The following FAM168B variants were observed in gnomAD, a reference collection of about 807,000 sequenced individuals.
The protein encoded by FAM168B is myelin-associated neurite-outgrowth inhibitor.
In FAM168B, 19 loss-of-function variants were observed where a neutral mutation model predicts 21.8. The ratio of observed to expected loss-of-function variants is 0.87; its 90% CI spans 0.61 to 1.28. FAM168B has a LOEUF of 1.28. Among genes scored for constraint, FAM168B ranks in the 50% most tolerant of loss-of-function variants. FAM168B has a pLI of 0.00. For missense variants in FAM168B, 233 were observed against 263.1 expected (o/e 0.89, Z 0.79); for synonymous variants, 126 against 104.8 (o/e 1.20, Z -1.24).
At chr2:131,076,322 A>G (rs563484030) in intron 2 of FAM168B, among the ~76,000 whole-genome samples, 1 of 150,602 alleles carries the variant, frequency 6.6e-6, no homozygotes, top group Admixed American at 6.6e-5. Context: ...CAGACTCCCT[A>G]CATCAAGGCA....
At chr2:131,083,669 GAAT>G (rs1000145832) in intron 1 of FAM168B, among the ~76,000 whole-genome samples, 3 of 152,170 alleles carry the variant, frequency 2.0e-5, no homozygotes, top group African/African-American at 2.4e-5. Context: ...TTTAAAAACA[GAAT>G]AATACAATGT....
chr2:131,048,843 C>T lies in FAM168B; in HGVS notation c.*3622G>A, dbSNP rs1691463309. Reference sequence around the variant, plus strand: ...GCTGCCACCCACCTCAAGCCACACCCCTGCCACCTGCTGCTGCGCCCAATG... The same window carrying T: ...GCTGCCACCCACCTCAAGCCACACCTCTGCCACCTGCTGCTGCGCCCAATG... On this transcript the variant is annotated 3_prime_UTR_variant, in exon 7 of 7. Transcript: ENST00000389915. 2.0e-6 allele frequency: 2 copies of T among 986,184 alleles called. No individual in the cohort carries two copies. Among genetic ancestry groups the T allele is most frequent in the Non-Finnish European group, 2.4e-6 (2 of 830,258 alleles). 61.1% of individuals were successfully genotyped at this position (986,184 alleles called of 1,614,324 possible).
At chr2:131,087,172 T>C (rs1398465098) in intron 1 of FAM168B, among the ~76,000 whole-genome samples, 1 of 150,990 alleles carries the variant, frequency 6.6e-6, no homozygotes, top group East Asian at 2.0e-4. Context: ...AAAACTTGAT[T>C]AAAGGGCAGC....
intron 3 of FAM168B, among the ~76,000 whole-genome samples, chr2:131,057,373 C>T (rs762232831): frequency 2.0e-5 from 3 of 152,196 alleles, no homozygotes; most frequent in African/African-American, 4.8e-5. Context: ...AATCTCACAA[C>T]ATGCTGAGCT....
intron 3 of FAM168B, among the ~76,000 whole-genome samples, chr2:131,066,962 A>G (rs1313873623): frequency 6.6e-6 from 1 of 152,196 alleles, no homozygotes; most frequent in Non-Finnish European, 1.5e-5. Context: ...CCTCACAATC[A>G]TGGTGGAAGG....
chr2:131,086,907 T>G (rs1693732117), intron 1 of FAM168B, among the ~76,000 whole-genome samples: 1 of 124,440 alleles, frequency 8.0e-6, no homozygotes, highest in African/African-American at 4.2e-5. Context: ...CTACTAAAAA[T>G]ACAAAAAATT....
chr2:131,052,309 C>T lies in FAM168B; in HGVS notation c.*156G>A, dbSNP rs1691727429. 2.0e-6 allele frequency: 2 copies of T among 985,848 alleles called. No homozygotes were observed. Among genetic ancestry groups the T allele is most frequent in the South Asian group, 4.7e-5 (1 of 21,292 alleles). 61.1% of individuals were successfully genotyped at this position (985,848 alleles called of 1,614,324 possible). The stretch of plus-strand genomic sequence containing the variant: ...CACAGAGTCAGCTGGAGACTAACGG[C>T]GCTGGGGCCTGCTGGGCCGGGATAT... On this transcript the variant is annotated 3_prime_UTR_variant, in exon 7 of 7. Transcript: ENST00000389915.
In FAM168B at chr2:131,052,206, A is replaced by G. The variant is rs1013727133; in HGVS notation, c.*259T>C. On this transcript the variant is annotated 3_prime_UTR_variant, in exon 7 of 7. Coordinates refer to ENST00000389915, the MANE Select transcript of FAM168B (RefSeq NM_001009993.4). ...ACTAGATATGATTCAGAATAGATTAATACTCCCTTTTTATCATTACAGTTA... is the reference window on the plus strand; with the variant it reads ...ACTAGATATGATTCAGAATAGATTAGTACTCCCTTTTTATCATTACAGTTA... The G allele has an allele frequency of 2.0e-5, 20 of 985,700 alleles. No individual in the cohort carries two copies. The highest frequency in any genetic ancestry group is 5.2e-4 in the Middle Eastern group (1 of 1,936). 61.1% of individuals were successfully genotyped at this position (985,700 alleles called of 1,614,324 possible).
In FAM168B at chr2:131,048,369, A is replaced by T. The variant is rs1278884946; in HGVS notation, c.*4096T>A. The T allele has an allele frequency of 7.7e-7, 1 of 1,291,618 alleles. No homozygotes were observed. The highest frequency in any genetic ancestry group is 1.0e-6 in the Non-Finnish European group (1 of 979,652). 80.0% of individuals were successfully genotyped at this position (1,291,618 alleles called of 1,614,324 possible). On this transcript the variant is annotated 3_prime_UTR_variant, in exon 7 of 7. Transcript: ENST00000389915. Reference sequence around the variant, plus strand: ...CTGTGGTGAGGAGGAGACACCTGTCATGCCAGTCCTGGGAGCACACCACCC... The same window carrying T: ...CTGTGGTGAGGAGGAGACACCTGTCTTGCCAGTCCTGGGAGCACACCACCC...
At chr2:131,092,035 T>C (rs1479258635) in intron 1 of FAM168B, among the ~76,000 whole-genome samples, 1 of 150,480 alleles carries the variant, frequency 6.6e-6, no homozygotes, top group Non-Finnish European at 1.5e-5. Context: ...TCCCAGCTAC[T>C]TGGGAGGCTG....
intron 2 of FAM168B, among the ~76,000 whole-genome samples, chr2:131,077,212 T>TAAA (rs34175924): frequency 7.7e-6 from 1 of 130,280 alleles, no homozygotes; most frequent in African/African-American, 2.8e-5. Context: ...CTATTACATT[T>TAAA]AAAAAAAAAA....
At chr2:131,075,735 A>G (rs1229827124) in intron 2 of FAM168B, among the ~76,000 whole-genome samples, 1 of 151,504 alleles carries the variant, frequency 6.6e-6, no homozygotes, top group African/African-American at 2.4e-5. Context: ...TGATCCGCCC[A>G]CCCCGGCCTC....
At chr2:131,088,524 C>G (rs1693835898) in intron 1 of FAM168B, among the ~76,000 whole-genome samples, 1 of 152,134 alleles carries the variant, frequency 6.6e-6, no homozygotes, top group Admixed American at 6.6e-5. Flanking sequence ...ACTGAAACAA[C>G]TGTAAACAGA....
chr2:131,088,816 G>A (rs528958311), intron 1 of FAM168B, among the ~76,000 whole-genome samples: 70 of 152,192 alleles, frequency 4.6e-4, no homozygotes, highest in South Asian at 1.2e-3. Context: ...TTTCAATTCT[G>A]CATAATGCAA....
chr2:131,053,001 C>T lies in FAM168B; in HGVS notation c.490G>A (p.Ala164Thr). ...MAMSAGTLLT[A>T]HSPTPVAPHP... ...GGGGCGACAGGAGTTGGGGAGTGAGCAGTCAGCAGGGTACCTGGAAGAAAG... is the reference window on the plus strand; with the variant it reads ...GGGGCGACAGGAGTTGGGGAGTGAGTAGTCAGCAGGGTACCTGGAAGAAAG... The change falls in exon 6 of 7, where the codon GCT (alanine) becomes ACT (threonine). Residue 164 changes from alanine to threonine, a missense_variant. By Grantham distance (58) the Ala-to-Thr change is moderately conservative (BLOSUM62 0). Coordinates refer to ENST00000389915, the MANE Select transcript of FAM168B (RefSeq NM_001009993.4). 1.3e-6 allele frequency: 2 copies of T among 1,552,174 alleles called. No individual in the cohort carries two copies. Among genetic ancestry groups the T allele is most frequent in the South Asian group, 2.4e-5 (2 of 84,122 alleles).
Position 131,078,901 on chromosome 2 carries a change from C to G in FAM168B, c.70+3676G>C, listed in dbSNP as rs1369174564. On this transcript the variant is annotated intron_variant, in intron 2 of 6. Coordinates refer to ENST00000389915, the MANE Select transcript of FAM168B (RefSeq NM_001009993.4). ...CTTGGGAGGCTGAGGCAGGAGGATCCCTTGAGTCCAAGGAGTTTGAGGCTG... is the reference window on the plus strand; with the variant it reads ...CTTGGGAGGCTGAGGCAGGAGGATCGCTTGAGTCCAAGGAGTTTGAGGCTG... 2.0e-5 allele frequency among the ~76,000 whole-genome samples: 3 copies of G among 150,304 alleles called. No individual in the cohort carries two copies. In the South Asian group the frequency reaches 6.4e-4, roughly 32 times the overall value.
chr2:131,058,233 C>T (rs1326684116), intron 3 of FAM168B, among the ~76,000 whole-genome samples: 1 of 152,166 alleles, frequency 6.6e-6, no homozygotes, highest in Non-Finnish European at 1.5e-5. Context: ...GGTGCCAGTG[C>T]AATTCTGTGA....
intron 3 of FAM168B, among the ~76,000 whole-genome samples, chr2:131,065,369 G>C (rs895364410): frequency 6.6e-6 from 1 of 152,114 alleles, no homozygotes; most frequent in Non-Finnish European, 1.5e-5. Context: ...AAAGAAACAG[G>C]CTCCACAAGA....
In FAM168B at chr2:131,051,614, C is replaced by T; in HGVS notation, c.*851G>A. ...TAATTTAGTTTTACATAGGACTTTT[C>T]CAATAAAGACATATAAAAACATCAT... On this transcript the variant is annotated 3_prime_UTR_variant, in exon 7 of 7. Transcript: ENST00000389915. 1 of 985,280 alleles carries T rather than the reference C, an allele frequency of 1.0e-6. No individual in the cohort carries two copies. The highest frequency in any genetic ancestry group is 1.2e-6 in the Non-Finnish European group (1 of 829,902). 61.0% of individuals were successfully genotyped at this position (985,280 alleles called of 1,614,324 possible). A position where few individuals can be genotyped will look rare whatever the true frequency, so the allele number is the denominator to read the frequency against.
Sources: gnomAD v4.1 joint callset for allele counts (sites outside exome capture counted in the v4.1 genomes callset) on GRCh38, gnomAD v4.1.1 for gene constraint, MANE v1.5 for transcripts, NCBI Gene and HGNC (gene_info 2026-07-23, HGNC 2026-07-21) for gene names.